Variants in HS6ST1 observed in about 807,000 individuals in gnomAD.
The protein encoded by HS6ST1 is heparan sulfate 6-O-sulfotransferase 1.
A neutral mutation model predicts 25.2 loss-of-function variants in HS6ST1; 3 were observed. The ratio of observed to expected loss-of-function variants is 0.12; its 90% CI spans 0.05 to 0.31. The LOEUF (loss-of-function observed/expected upper bound fraction) is 0.31, where lower values mean the gene tolerates loss of function less well. Ranked by LOEUF, HS6ST1 falls within the 10% of genes least tolerant of loss-of-function variation. The pLI, the probability that HS6ST1 is intolerant of heterozygous loss-of-function variation, is 1.00. For synonymous variants in HS6ST1, 204 were observed against 275.1 expected (o/e 0.74, Z 2.56); for missense variants, 310 against 609.6 (o/e 0.51, Z 5.18).
At position 128,267,434 on chromosome 2, in the gene HS6ST1, G is replaced by A. The variant is rs1693536268; in HGVS notation, c.*728C>T. The A allele has an allele frequency of 6.5e-6, 1 of 152,998 alleles. No homozygotes were observed. The highest frequency in any genetic ancestry group is 6.5e-5 in the Admixed American group (1 of 15,302). 9.5% of individuals were successfully genotyped at this position (152,998 alleles called of 1,614,324 possible). ...CGAGGAAGGCCGGCAATGCAGCTCG[G>A]GCCTACTACCCAAACCCCTCCTTGG... is the stretch of plus-strand genomic sequence containing the variant. On this transcript the variant is annotated 3_prime_UTR_variant, in exon 2 of 2. Transcript: ENST00000259241.
chr2:128,286,666 T>C (rs1693866797), intron 1 of HS6ST1, among the ~76,000 whole-genome samples: 2 of 152,246 alleles, frequency 1.3e-5, no homozygotes, highest in Non-Finnish European at 2.9e-5. Flanking sequence ...GTCAAAATAC[T>C]GACTTGTTAA....
At position 128,284,562 on chromosome 2, in the gene HS6ST1, C is replaced by T. The variant is rs1259553147; in HGVS notation, c.528-15692G>A. On this transcript the variant is annotated intron_variant, in intron 1 of 1. Coordinates refer to ENST00000259241, the MANE Select transcript of HS6ST1 (RefSeq NM_004807.3). ...TGTCGCCCAGGCTGGAATGCAGTGGCGTGATCTTGGTCACTGCAACCTTTG... is the reference window on the plus strand; with the variant it reads ...TGTCGCCCAGGCTGGAATGCAGTGGTGTGATCTTGGTCACTGCAACCTTTG... Among the ~76,000 whole-genome samples, 7 of 142,082 alleles carry T rather than the reference C, an allele frequency of 4.9e-5. No individual in the cohort carries two copies. In the Admixed American group the frequency reaches 5.5e-4, roughly 11 times the overall value. The allele number at this position is 142,082 out of a possible 152,430, so 93.2% of individuals were successfully genotyped here.
intron 1 of HS6ST1, among the ~76,000 whole-genome samples, chr2:128,269,460 C>A (rs1178827756): frequency 6.6e-6 from 1 of 152,188 alleles, no homozygotes. Context: ...CAGTATGTAA[C>A]GGTGCGTGCA....
intron 1 of HS6ST1, among the ~76,000 whole-genome samples, chr2:128,270,689 T>G (rs566395335): frequency 2.0e-5 from 3 of 152,156 alleles, no homozygotes; most frequent in Non-Finnish European, 2.9e-5. Context: ...AGGGGAGGCA[T>G]AGGGCCGCAT....
At chr2:128,284,519 T>TTTTTTTTTTTTTTG (rs1693833843) in intron 1 of HS6ST1, among the ~76,000 whole-genome samples, 1 of 151,448 alleles carries the variant, frequency 6.6e-6, no homozygotes, top group Admixed American at 6.6e-5. Flanking sequence ...TTTTTTTTTT[T>TTTTTTTTTTTTTTG]GAGACGGAGT....
At chr2:128,280,125 C>G (rs919789190) in intron 1 of HS6ST1, among the ~76,000 whole-genome samples, 1 of 152,240 alleles carries the variant, frequency 6.6e-6, no homozygotes, top group Non-Finnish European at 1.5e-5. Flanking sequence ...GCCAACCCCA[C>G]CAGGGGCCCC....
At chr2:128,310,047 A>C (rs899758575) in intron 1 of HS6ST1, among the ~76,000 whole-genome samples, 2 of 152,144 alleles carry the variant, frequency 1.3e-5, no homozygotes, top group Non-Finnish European at 2.9e-5. Flanking sequence ...ACAGGTATCT[A>C]TCTGGGCCCA....
chr2:128,281,592 A>T (rs1245462528), intron 1 of HS6ST1, among the ~76,000 whole-genome samples: 2 of 152,224 alleles, frequency 1.3e-5, no homozygotes, highest in Non-Finnish European at 2.9e-5. Flanking sequence ...GCGAAGAGAA[A>T]GAGCCTGGGT....
chr2:128,292,752 G>A (rs1353064866), intron 1 of HS6ST1, among the ~76,000 whole-genome samples: 1 of 152,072 alleles, frequency 6.6e-6, no homozygotes, highest in Non-Finnish European at 1.5e-5. Flanking sequence ...GCGGAGGGGA[G>A]GGGCGGTGAC....
intron 1 of HS6ST1, among the ~76,000 whole-genome samples, chr2:128,306,832 C>A (rs577598255): frequency 1.2e-4 from 19 of 152,308 alleles, no homozygotes; most frequent in African/African-American, 4.1e-4. Context: ...GCGCCCGCAG[C>A]AGACGGTGCC....
chr2:128,298,368 C>T (rs1467245350), intron 1 of HS6ST1, among the ~76,000 whole-genome samples: 3 of 152,150 alleles, frequency 2.0e-5, no homozygotes, highest in African/African-American at 4.8e-5. Context: ...TATTTGTACA[C>T]CCATGTTCCC....
intron 1 of HS6ST1, among the ~76,000 whole-genome samples, chr2:128,309,319 C>T (rs1284306548): frequency 6.6e-6 from 1 of 152,222 alleles, no homozygotes; most frequent in Non-Finnish European, 1.5e-5. Context: ...GTTGAATGTT[C>T]CCAACTTCTC....
intron 1 of HS6ST1, among the ~76,000 whole-genome samples, chr2:128,294,112 GC>G (rs1264216734): frequency 1.3e-5 from 2 of 152,154 alleles, no homozygotes; most frequent in Non-Finnish European, 2.9e-5. Context: ...CTGGAAACCT[GC>G]CCCAAACTCC....
At chr2:128,301,287 G>A (rs1409846204) in intron 1 of HS6ST1, among the ~76,000 whole-genome samples, 3 of 152,036 alleles carry the variant, frequency 2.0e-5, no homozygotes, top group Admixed American at 2.0e-4. Flanking sequence ...ACCCCTCTGT[G>A]TTGGGCAGAG....
chr2:128,287,333 C>G (rs142004863), intron 1 of HS6ST1, among the ~76,000 whole-genome samples: 1 of 152,322 alleles, frequency 6.6e-6, no homozygotes, highest in Non-Finnish European at 1.5e-5. Flanking sequence ...CCCTGAGATG[C>G]ACTGCCCAGC....
In HS6ST1 at chr2:128,268,459, G is replaced by A. The variant is rs1185582009; in HGVS notation, c.939C>T (p.Ile313=). The change falls in exon 2 of 2, where the codon ATC becomes ATT. Residue 313 remains isoleucine (I), a synonymous_variant. Coordinates refer to ENST00000259241, the MANE Select transcript of HS6ST1 (RefSeq NM_004807.3). ...LFERTFNLKF[I]RPFMQYNSTR... ...TGCTATTGTACTGCATGAAGGGCCG[G>A]ATGAACTTGAGGTTGAACGTCCGCT... The A allele has an allele frequency of 6.2e-7, 1 of 1,613,392 alleles. No individual in the cohort carries two copies. The highest frequency in any genetic ancestry group is 8.5e-7 in the Non-Finnish European group (1 of 1,179,844).
intron 1 of HS6ST1, among the ~76,000 whole-genome samples, chr2:128,297,255 G>A (rs1694053450): frequency 6.6e-6 from 1 of 152,192 alleles, no homozygotes; most frequent in Non-Finnish European, 1.5e-5. Context: ...GTCAAATGGT[G>A]CCAAGACCAT....
intron 1 of HS6ST1, among the ~76,000 whole-genome samples, chr2:128,292,788 G>T (rs1175437605): frequency 6.6e-6 from 1 of 152,116 alleles, no homozygotes; most frequent in African/African-American, 2.4e-5. Flanking sequence ...GGCGGGCAGA[G>T]GAACAAGGGC....
intron 1 of HS6ST1, among the ~76,000 whole-genome samples, chr2:128,284,647 C>A (rs1693835492): frequency 6.6e-6 from 1 of 152,066 alleles, no homozygotes; most frequent in Non-Finnish European, 1.5e-5. Flanking sequence ...TCCATGATAC[C>A]CAGCTAATTT....
Sources: allele counts gnomAD v4.1 joint callset (sites outside exome capture counted in the v4.1 genomes callset), GRCh38; gene constraint gnomAD v4.1.1; transcripts MANE v1.5; gene names NCBI Gene and HGNC (gene_info 2026-07-23, HGNC 2026-07-21).